The following KIAA0825 variants were observed in gnomAD, a reference collection of about 807,000 sequenced individuals.
The protein encoded by KIAA0825 is KIAA0825, also known as uncharacterized protein KIAA0825.
KIAA0825 carries 119 observed loss-of-function variants against 147.6 expected under a neutral mutation model. The observed-to-expected ratio is 0.81, with a 90% CI of 0.69 to 0.94. The LOEUF is 0.94. Ranked by LOEUF, KIAA0825 falls within the 40% of genes least tolerant of loss-of-function variation. KIAA0825 has a pLI of 0.00. For missense variants in KIAA0825, 1,381 were observed against 1,472.7 expected (o/e 0.94, Z 1.02); for synonymous variants, 470 against 518.1 (o/e 0.91, Z 1.26).
intron 2 of KIAA0825, among the ~76,000 whole-genome samples, chr5:94,560,644 CCT>C (rs1435120836): frequency 1.3e-5 from 2 of 152,174 alleles, no homozygotes; most frequent in African/African-American, 2.4e-5. Flanking sequence ...TTCGCTGACC[CCT>C]GTTTTAAATG....
intron 5 of KIAA0825, among the ~76,000 whole-genome samples, chr5:94,506,038 A>G (rs529634100): frequency 1.3e-5 from 2 of 152,336 alleles, no homozygotes; most frequent in East Asian, 3.9e-4. Flanking sequence ...AATACTCCTT[A>G]TATTTTAACT....
chr5:94,527,833 C>A (rs1006030021), intron 3 of KIAA0825, among the ~76,000 whole-genome samples: 5 of 151,686 alleles, frequency 3.3e-5, no homozygotes, highest in African/African-American at 1.2e-4. Context: ...ACTAAAATTC[C>A]TTGGAATTAT....
intron 20 of KIAA0825, among the ~76,000 whole-genome samples, chr5:94,293,141 T>C (rs1392540393): frequency 2.0e-5 from 3 of 152,198 alleles, no homozygotes; most frequent in African/African-American, 7.2e-5. Context: ...AGTTACTTCT[T>C]TTCTTCTGCT....
intron 2 of KIAA0825, among the ~76,000 whole-genome samples, chr5:94,545,707 C>T (rs370338144): frequency 2.6e-5 from 4 of 152,198 alleles, no homozygotes; most frequent in Admixed American, 1.3e-4. Flanking sequence ...TAACTAACAA[C>T]GCTATCCAGG....
intron 20 of KIAA0825, among the ~76,000 whole-genome samples, chr5:94,193,948 A>C (rs1176161558): frequency 6.6e-6 from 1 of 152,206 alleles, no homozygotes; most frequent in East Asian, 1.9e-4. Flanking sequence ...CAGAGCACCC[A>C]AAAGCATATT....
At chr5:94,205,079 A>G (rs1772030597) in intron 20 of KIAA0825, among the ~76,000 whole-genome samples, 1 of 151,934 alleles carries the variant, frequency 6.6e-6, no homozygotes, top group Non-Finnish European at 1.5e-5. Flanking sequence ...AAGTGGCTGA[A>G]ACATTAGTAC....
intron 20 of KIAA0825, among the ~76,000 whole-genome samples, chr5:94,267,816 A>G (rs2150139067): frequency 6.6e-6 from 1 of 152,110 alleles, no homozygotes; most frequent in Admixed American, 6.5e-5. Flanking sequence ...TCAGAATGGG[A>G]AAGTAGCATG....
At chr5:94,604,259 A>G (rs1048621089) in intron 1 of KIAA0825, among the ~76,000 whole-genome samples, 5 of 152,196 alleles carry the variant, frequency 3.3e-5, no homozygotes, top group Non-Finnish European at 7.4e-5. Flanking sequence ...ATTAGAACTC[A>G]AGACTAAAAA....
intron 20 of KIAA0825, among the ~76,000 whole-genome samples, chr5:94,334,505 CGAA>C (rs1554259758): frequency 6.6e-6 from 1 of 152,052 alleles, no homozygotes; most frequent in Non-Finnish European, 1.5e-5. Flanking sequence ...TTTTTTGAGA[CGAA>C]GTCTCATTCT....
At chr5:94,159,629 G>C (rs977362267) in intron 20 of KIAA0825, among the ~76,000 whole-genome samples, 1 of 151,910 alleles carries the variant, frequency 6.6e-6, no homozygotes. Context: ...GTATATGATC[G>C]TGTTGTCATT....
intron 5 of KIAA0825, among the ~76,000 whole-genome samples, chr5:94,507,778 G>A (rs745896841): frequency 2.6e-5 from 4 of 151,360 alleles, no homozygotes; most frequent in Non-Finnish European, 4.4e-5. Flanking sequence ...ACAGAATTAC[G>A]GTTAGGTTAA....
chr5:94,586,106 AC>A (rs1359788291), intron 1 of KIAA0825, among the ~76,000 whole-genome samples: 2 of 152,230 alleles, frequency 1.3e-5, no homozygotes, highest in Non-Finnish European at 2.9e-5. Flanking sequence ...TAAAATTGAC[AC>A]CCTAACATCA....
chr5:94,290,815 TG>T (rs1777856407), intron 20 of KIAA0825, among the ~76,000 whole-genome samples: 1 of 152,226 alleles, frequency 6.6e-6, no homozygotes, highest in South Asian at 2.1e-4. Flanking sequence ...GAGTTTTTAA[TG>T]ATCACCATTC....
At chr5:94,295,128 T>C (rs1778078517) in intron 20 of KIAA0825, among the ~76,000 whole-genome samples, 1 of 152,072 alleles carries the variant, frequency 6.6e-6, no homozygotes, top group East Asian at 1.9e-4. Context: ...CTTTTCATTC[T>C]TTTTTCTCTA....
intron 13 of KIAA0825, among the ~76,000 whole-genome samples, chr5:94,449,833 C>T (rs1277542804): frequency 6.6e-6 from 1 of 152,172 alleles, no homozygotes; most frequent in African/African-American, 2.4e-5. Context: ...AATCCCAGCA[C>T]TTTGGGAGGC....
chr5:94,188,425 G>A (rs1770357759), intron 20 of KIAA0825, among the ~76,000 whole-genome samples: 1 of 152,056 alleles, frequency 6.6e-6, no homozygotes, highest in African/African-American at 2.4e-5. Flanking sequence ...GTAAAAATAA[G>A]TTTTCTCATA....
chr5:94,428,912 A>T (rs775433987), intron 14 of KIAA0825, among the ~76,000 whole-genome samples: 6 of 151,506 alleles, frequency 4.0e-5, no homozygotes, highest in Non-Finnish European at 7.4e-5. Flanking sequence ...TTTTTTCTTT[A>T]TTTTTGTCTG....
chr5:94,610,880 C>T lies in KIAA0825; in HGVS notation c.-153+7620G>A, dbSNP rs576177826. Among the ~76,000 whole-genome samples, 17 of 149,512 alleles carry T rather than the reference C, an allele frequency of 1.1e-4. No homozygotes were observed. In the South Asian group the frequency reaches 1.3e-3, roughly 11 times the overall value. ...CTCGTCTATATTACAAAAATTCAGA[C>T]CTCATCAGTATAACGCTCTTCAAAA... On this transcript the variant is annotated intron_variant, in intron 1 of 20. Coordinates refer to ENST00000682413, the MANE Select transcript of KIAA0825 (RefSeq NM_001145678.3).
chr5:94,156,302 T>C (rs1194485566), intron 20 of KIAA0825, among the ~76,000 whole-genome samples: 1 of 152,188 alleles, frequency 6.6e-6, no homozygotes, highest in African/African-American at 2.4e-5. Context: ...TGTCAAAAAG[T>C]TTAAATATTT....
Sources: gnomAD v4.1 joint callset for allele counts (sites outside exome capture counted in the v4.1 genomes callset) on GRCh38, gnomAD v4.1.1 for gene constraint, MANE v1.5 for transcripts, NCBI Gene and HGNC (gene_info 2026-07-23, HGNC 2026-07-21) for gene names.